FAM20B: variants seen among roughly 807,000 people sequenced by gnomAD.
FAM20B encodes the protein FAM20B glycosaminoglycan xylosylkinase.
In FAM20B, 23 loss-of-function variants were observed where a neutral mutation model predicts 43.8. That is an observed-to-expected ratio of 0.53 (90% confidence interval 0.38 to 0.74). The LOEUF (loss-of-function observed/expected upper bound fraction) is 0.74, where lower values mean the gene tolerates loss of function less well. Ranked by LOEUF, FAM20B falls within the 30% of genes least tolerant of loss-of-function variation. The pLI is 0.00. For missense variants in FAM20B, 440 were observed against 510.5 expected (o/e 0.86, Z 1.33); for synonymous variants, 178 against 192.4 (o/e 0.93, Z 0.62).
At chr1:179,028,594 AAACAAC>A (rs147323940) in intron 1 of FAM20B, among the ~76,000 whole-genome samples, 1 of 151,472 alleles carries the variant, frequency 6.6e-6, no homozygotes, top group Non-Finnish European at 1.5e-5. Flanking sequence ...ACAAACAAAC[AAACAAC>A]AACAACAACA....
At chr1:179,026,983 C>T (rs1649817232) in intron 1 of FAM20B, among the ~76,000 whole-genome samples, 1 of 152,140 alleles carries the variant, frequency 6.6e-6, no homozygotes, top group Admixed American at 6.5e-5. Flanking sequence ...TTTTAAAGAC[C>T]ATACCATCAT....
intron 1 of FAM20B, chr1:179,035,342 C>A: frequency 1.4e-6 from 1 of 690,648 alleles, no homozygotes; most frequent in Admixed American, 1.8e-5. Flanking sequence ...GGGGCAGCAC[C>A]CACAGGTCTA....
chr1:179,024,279 A>G (rs1649668274), upstream of FAM20B, among the ~76,000 whole-genome samples: 4 of 152,360 alleles, frequency 2.6e-5, no homozygotes, highest in Middle Eastern at 0.01. Flanking sequence ...TCATCCGCCC[A>G]GGAAGCTGAG....
chr1:179,031,353 CGTGTGTTG>C (rs1180308909), intron 1 of FAM20B, among the ~76,000 whole-genome samples: 2 of 152,098 alleles, frequency 1.3e-5, no homozygotes, highest in Non-Finnish European at 2.9e-5. Flanking sequence ...AAGATTACTG[CGTGTGTTG>C]GTTTTTTAGA....
At chr1:179,059,635 C>A (rs780808452) in intron 4 of FAM20B, among the ~76,000 whole-genome samples, 2 of 152,120 alleles carry the variant, frequency 1.3e-5, no homozygotes, top group Non-Finnish European at 2.9e-5. Context: ...TAGGGCTTTA[C>A]ATTTTTATTT....
chr1:179,023,510 C>A (rs1173999484), upstream of FAM20B, among the ~76,000 whole-genome samples: 2 of 152,190 alleles, frequency 1.3e-5, no homozygotes, highest in African/African-American at 2.4e-5. Flanking sequence ...CTGCCAGCTT[C>A]TCAAGAATGG....
At chr1:179,034,402 C>T (rs77971978) in intron 1 of FAM20B, among the ~76,000 whole-genome samples, 5 of 150,760 alleles carry the variant, frequency 3.3e-5, no homozygotes, top group African/African-American at 1.2e-4. Context: ...CTCTCTCTCT[C>T]TTTTTTTTTA....
At chr1:179,045,932 G>T (rs1650749731) in intron 2 of FAM20B, among the ~76,000 whole-genome samples, 1 of 151,694 alleles carries the variant, frequency 6.6e-6, no homozygotes, top group South Asian at 2.1e-4. Context: ...CCGTGGTTAT[G>T]TGGGCCTGGG....
chr1:179,043,413 C>T (rs1158649707), intron 1 of FAM20B, among the ~76,000 whole-genome samples: 3 of 152,148 alleles, frequency 2.0e-5, no homozygotes, highest in Admixed American at 1.3e-4. Context: ...GCCCCTGCTC[C>T]ACCATCTTGG....
chr1:179,045,653 C>G (rs1215433636), intron 2 of FAM20B, among the ~76,000 whole-genome samples: 1 of 152,010 alleles, frequency 6.6e-6, no homozygotes, highest in East Asian at 1.9e-4. Context: ...GCCTGTAATC[C>G]CAGCACTTGG....
rs771439887 is a variant in FAM20B at position 179,043,963 on chromosome 1, G to A, written c.116G>A (p.Arg39Lys). The change falls in exon 2 of 8, where the codon AGG becomes AAG. Residue 39 changes from arginine to lysine, a missense_variant. By Grantham distance (26) the Arg-to-Lys change is conservative. Transcript: ENST00000263733. Reference protein sequence around the residue: ...DTSAANREDQRAFHRMMTGLR... With the variant: ...DTSAANREDQKAFHRMMTGLR... ...TCAGCTGCCAACCGGGAGGACCAGA[G>A]GGCCTTTCACCGAATGATGACTGGC... 9.9e-6 allele frequency: 16 copies of A among 1,614,046 alleles called. No individual in the cohort carries two copies. The African/African-American group carries it at 2.1e-4, about 22-fold the overall frequency.
intron 1 of FAM20B, among the ~76,000 whole-genome samples, chr1:179,039,795 G>C (rs1650404400): frequency 1.3e-5 from 2 of 151,558 alleles, no homozygotes; most frequent in African/African-American, 4.9e-5. Context: ...GATTTGGCAG[G>C]GTCATAGGAC....
rs1652054988 is a variant in FAM20B, at chr1:179,074,384, G to A, written c.*2240G>A. The A allele has an allele frequency of 6.6e-6, 1 of 152,634 alleles. No homozygotes were observed. Among genetic ancestry groups the A allele is most frequent in the Non-Finnish European group, 1.5e-5 (1 of 68,050 alleles). 9.5% of individuals were successfully genotyped at this position (152,634 alleles called of 1,614,324 possible). ...AGCTTCCAGGAGCCAGCTGGGAGGA[G>A]ACAATAGGAAGAGATGTCATCTCTG... On this transcript the variant is annotated 3_prime_UTR_variant, in exon 8 of 8. Coordinates refer to ENST00000263733, the MANE Select transcript of FAM20B (RefSeq NM_014864.4).
chr1:179,040,840 G>A (rs1005266728), intron 1 of FAM20B, among the ~76,000 whole-genome samples: 1 of 149,728 alleles, frequency 6.7e-6, no homozygotes, highest in Non-Finnish European at 1.5e-5. Context: ...TGGGCGGAGG[G>A]GCTCCTCACT....
intron 6 of FAM20B, 86 bp downstream of exon 6, chr1:179,064,582 A>G: frequency 9.3e-7 from 1 of 1,073,388 alleles, no homozygotes. Context: ...GAGAATATCC[A>G]GAATGCAATT....
At chr1:179,021,637 C>T (rs1328705250), upstream of FAM20B, among the ~76,000 whole-genome samples, 2 of 152,216 alleles carry the variant, frequency 1.3e-5, no homozygotes, top group African/African-American at 4.8e-5. Flanking sequence ...TTCTTACTAA[C>T]TCTAGAAATC....
At chr1:179,050,765 A>G (rs781456849) in intron 3 of FAM20B, among the ~76,000 whole-genome samples, 1 of 152,234 alleles carries the variant, frequency 6.6e-6, no homozygotes, top group Non-Finnish European at 1.5e-5. Context: ...AACATATAGC[A>G]TGAAATATGA....
In FAM20B at chr1:179,074,198, T is replaced by C. The variant is rs1557882710; in HGVS notation, c.*2054T>C. ...ATGAACAGAACAATGGGCTGAGTTA[T>C]AAAAAGCGTGTATTGAATTTAAGAA... On this transcript the variant is annotated 3_prime_UTR_variant, in exon 8 of 8. Coordinates refer to ENST00000263733, the MANE Select transcript of FAM20B (RefSeq NM_014864.4). The C allele has an allele frequency of 6.6e-6, 1 of 152,638 alleles. No individual in the cohort carries two copies. Among genetic ancestry groups the C allele is most frequent in the Non-Finnish European group, 1.5e-5 (1 of 68,032 alleles). The allele number at this position is 152,638 out of a possible 1,614,324, so 9.5% of individuals were successfully genotyped here.
At chr1:179,041,248 C>A (rs919752271) in intron 1 of FAM20B, among the ~76,000 whole-genome samples, 17 of 152,112 alleles carry the variant, frequency 1.1e-4, no homozygotes, top group African/African-American at 3.9e-4. Flanking sequence ...ACTTCCCAGA[C>A]GGGGTGGCGG....
Sources: allele counts gnomAD v4.1 joint callset (sites outside exome capture counted in the v4.1 genomes callset), GRCh38; gene constraint gnomAD v4.1.1; transcripts MANE v1.5; gene names NCBI Gene and HGNC (gene_info 2026-07-23, HGNC 2026-07-21).